Variants in TTC29 observed in about 807,000 individuals in gnomAD.
TTC29 encodes the protein tetratricopeptide repeat domain 29.
A neutral mutation model predicts 58.1 loss-of-function variants in TTC29; 49 were observed. The ratio of observed to expected loss-of-function variants is 0.84; its 90% confidence interval spans 0.67 to 1.07. The LOEUF is 1.07. Among genes scored for constraint, TTC29 ranks in the 50% least tolerant of loss-of-function variants. TTC29 has a pLI of 0.00. For missense variants in TTC29, 582 were observed against 555.6 expected (o/e 1.05, Z -0.48); for synonymous variants, 209 against 196.8 (o/e 1.06, Z -0.52).
rs745408204 is a variant in TTC29, at chr4:146,937,607, C to T, written c.163G>A (p.Glu55Lys). 8.5e-6 allele frequency: 13 copies of T among 1,531,822 alleles called. No individual in the cohort carries two copies. The East Asian group carries it at 2.7e-4, about 31-fold the overall frequency. 94.9% of individuals were successfully genotyped at this position (1,531,822 alleles called of 1,614,324 possible). A position where few individuals can be genotyped will look rare whatever the true frequency, so the allele number is the denominator to read the frequency against. ...LEVNFKGLSKEEVAAYRNSYK... is the reference protein window; with the variant it reads ...LEVNFKGLSKKEVAAYRNSYK... The stretch of plus-strand genomic sequence containing the variant: ...GGTTGTACTTACGCAGCAACTTCCT[C>T]TTTTGATAATCCTTTGAAATTTACC... The change falls in exon 4 of 13, where the codon GAG becomes AAG. Residue 55 changes from glutamate to lysine, a missense_variant. Coordinates refer to ENST00000325106, the MANE Select transcript of TTC29 (RefSeq NM_031956.4).
chr4:146,857,522 T>C (rs1252885059), intron 8 of TTC29, among the ~76,000 whole-genome samples: 4 of 152,282 alleles, frequency 2.6e-5, no homozygotes, highest in African/African-American at 9.6e-5. Context: ...GAGCCCTCTT[T>C]AGCATGCCTT....
chr4:146,721,428 G>A (rs573666594), intron 11 of TTC29, among the ~76,000 whole-genome samples: 28 of 152,226 alleles, frequency 1.8e-4, no homozygotes, highest in Non-Finnish European at 3.8e-4. Context: ...CCATTTCCTT[G>A]TAATCTTCAG....
chr4:146,917,711 A>G (rs1398355754), intron 4 of TTC29, among the ~76,000 whole-genome samples: 1 of 119,964 alleles, frequency 8.3e-6, no homozygotes, highest in Admixed American at 9.4e-5. Context: ...AAATTATATG[A>G]TACACAATTT....
chr4:146,795,785 C>T (rs1428254794), intron 11 of TTC29, among the ~76,000 whole-genome samples: 2 of 152,064 alleles, frequency 1.3e-5, no homozygotes, highest in African/African-American at 4.8e-5. Context: ...CCTAAGAAAG[C>T]CTTACCAAAA....
At chr4:146,914,849 A>G (rs76636497) in intron 4 of TTC29, among the ~76,000 whole-genome samples, 9,032 of 152,244 alleles carry the variant, frequency 0.059, 379 homozygotes, top group Admixed American at 0.13. Context: ...CTAGAGACTG[A>G]CAGAAAGCAG....
chr4:146,863,070 C>T (rs1443274998), intron 8 of TTC29, among the ~76,000 whole-genome samples: 2 of 149,976 alleles, frequency 1.3e-5, no homozygotes, highest in Admixed American at 6.7e-5. Flanking sequence ...TGCAGGGAAC[C>T]GAGATCGTGC....
At chr4:146,738,869 C>G (rs1744914368) in intron 11 of TTC29, among the ~76,000 whole-genome samples, 1 of 152,126 alleles carries the variant, frequency 6.6e-6, no homozygotes, top group African/African-American at 2.4e-5. Context: ...GATAGCTGAA[C>G]AAGTGGTGGT....
At chr4:146,891,724 A>C (rs1732378914) in intron 6 of TTC29, among the ~76,000 whole-genome samples, 1 of 152,204 alleles carries the variant, frequency 6.6e-6, no homozygotes. Context: ...ATATTTCTGC[A>C]GACAGAACCA....
intron 6 of TTC29, among the ~76,000 whole-genome samples, chr4:146,885,469 C>T (rs543140734): frequency 1.1e-4 from 17 of 151,990 alleles, no homozygotes; most frequent in South Asian, 1.0e-3. Flanking sequence ...AAATTTTCTA[C>T]GTATCTAGAT....
intron 6 of TTC29, among the ~76,000 whole-genome samples, chr4:146,891,633 G>T (rs1029187261): frequency 6.6e-6 from 1 of 152,094 alleles, no homozygotes; most frequent in Non-Finnish European, 1.5e-5. Flanking sequence ...GACATTGGGT[G>T]GTGACAAGGA....
intron 4 of TTC29, among the ~76,000 whole-genome samples, chr4:146,915,023 C>A (rs1181893364): frequency 2.6e-5 from 4 of 152,094 alleles, no homozygotes; most frequent in Admixed American, 2.6e-4. Context: ...ATGTGTCAGG[C>A]ACTGTGTAGA....
chr4:146,830,589 G>A (rs1032214727), intron 9 of TTC29, among the ~76,000 whole-genome samples: 1 of 152,114 alleles, frequency 6.6e-6, no homozygotes, highest in African/African-American at 2.4e-5. Flanking sequence ...AATTGCACAG[G>A]TTAGGAAAAA....
At chr4:146,707,604 TA>T in intron 11 of TTC29, 53 bp from the exon 12 acceptor site, 3 of 1,323,798 alleles carry the variant, frequency 2.3e-6, no homozygotes, top group Non-Finnish European at 3.2e-6. Context: ...AGTTTATAGT[TA>T]TTTTGATCTT....
intron 9 of TTC29, among the ~76,000 whole-genome samples, chr4:146,833,178 T>C (rs1408941262): frequency 1.5e-5 from 2 of 133,866 alleles, no homozygotes; most frequent in Non-Finnish European, 3.2e-5. Context: ...TTTCTTATTG[T>C]TATTATTTCT....
Position 146,820,367 on chromosome 4 carries a change from T to G in TTC29, c.978-119A>C, listed in dbSNP as rs144830383. 9.6e-6 allele frequency: 11 copies of G among 1,146,594 alleles called. No individual in the cohort carries two copies. In the African/African-American group the frequency reaches 1.3e-4, roughly 13 times the overall value. 71.0% of individuals were successfully genotyped at this position (1,146,594 alleles called of 1,614,324 possible). Reference sequence around the variant, plus strand: ...AAGATGGTTATCAGGATAATAAGATTTAATGTGTAAATACCAAATTAAAAT... The same window carrying G: ...AAGATGGTTATCAGGATAATAAGATGTAATGTGTAAATACCAAATTAAAAT... On this transcript the variant is annotated intron_variant, in intron 9 of 12. Transcript: ENST00000325106.
chr4:146,707,342 AT>A (rs941648673), intron 12 of TTC29, 142 bp downstream of exon 12: 11 of 787,888 alleles, frequency 1.4e-5, no homozygotes, highest in South Asian at 6.4e-5. Flanking sequence ...TAAATCTGTG[AT>A]TTTTTTTAAA....
chr4:146,708,138 C>A (rs948234734), intron 11 of TTC29, among the ~76,000 whole-genome samples: 2 of 151,672 alleles, frequency 1.3e-5, no homozygotes, highest in African/African-American at 4.9e-5. Context: ...AACGTCCAGA[C>A]GAGCCCTGCC....
At chr4:146,713,790 A>C (rs1292489225) in intron 11 of TTC29, among the ~76,000 whole-genome samples, 1 of 152,150 alleles carries the variant, frequency 6.6e-6, no homozygotes, top group Non-Finnish European at 1.5e-5. Flanking sequence ...AATGGAATGC[A>C]ACTAGGCCTG....
At chr4:146,902,949 T>G (rs771764344) in intron 6 of TTC29, among the ~76,000 whole-genome samples, 8 of 152,196 alleles carry the variant, frequency 5.3e-5, no homozygotes, top group Admixed American at 2.6e-4. Flanking sequence ...CCCTATATTT[T>G]CTTTTTATAT....
Sources: gnomAD v4.1 joint callset for allele counts (sites outside exome capture counted in the v4.1 genomes callset) on GRCh38, gnomAD v4.1.1 for gene constraint, MANE v1.5 for transcripts, NCBI Gene and HGNC (gene_info 2026-07-23, HGNC 2026-07-21) for gene names.